DTHD1: variants seen among roughly 807,000 people sequenced by gnomAD.
DTHD1 encodes the protein death domain containing 1, also known as death domain-containing protein 1.
A neutral mutation model predicts 74.8 loss-of-function variants in DTHD1; 59 were observed. That is an observed-to-expected ratio of 0.79 (90% CI 0.64 to 0.98). The LOEUF is 0.98. DTHD1 is among the 50% of genes least tolerant of loss of function. DTHD1 has a pLI of 0.00. For synonymous variants in DTHD1, 365 were observed against 371.1 expected, an observed-to-expected ratio of 0.98 and a Z score of 0.19; for missense variants, 1,051 against 1,065.4, an observed-to-expected ratio of 0.99 and a Z score of 0.19.
intron 5 of DTHD1, 109 bp downstream of exon 5, chr4:36,295,148 A>G (rs1269478265): frequency 8.1e-7 from 1 of 1,230,336 alleles, no homozygotes; most frequent in South Asian, 2.1e-5. Flanking sequence ...TTAAAATATT[A>G]TGAAATATCT....
chr4:36,285,452 C>A (rs959732996), intron 2 of DTHD1, among the ~76,000 whole-genome samples: 100 of 152,206 alleles, frequency 6.6e-4, no homozygotes, highest in African/African-American at 2.3e-3. Context: ...AGACCTATTT[C>A]ATTTCCTTGG....
At chr4:36,328,735 A>G (rs1025478049) in intron 8 of DTHD1, among the ~76,000 whole-genome samples, 1 of 152,210 alleles carries the variant, frequency 6.6e-6, no homozygotes, top group Admixed American at 6.5e-5. Flanking sequence ...AAAAAAAGAC[A>G]CATGACCACA....
At chr4:36,338,970 C>A in intron 8 of DTHD1, 142 bp from the exon 9 acceptor site, 1 of 615,768 alleles carries the variant, frequency 1.6e-6, no homozygotes, top group Admixed American at 3.0e-5. Flanking sequence ...AGCATGCATG[C>A]ACAAATACAG....
chr4:36,304,804 A>ATCC (rs1272293362), intron 5 of DTHD1, among the ~76,000 whole-genome samples: 2 of 152,192 alleles, frequency 1.3e-5, no homozygotes, highest in Non-Finnish European at 2.9e-5. Flanking sequence ...GACTATGTGG[A>ATCC]TCCTCTCCTC....
At chr4:36,301,900 G>T (rs1160379873) in intron 5 of DTHD1, among the ~76,000 whole-genome samples, 2 of 152,058 alleles carry the variant, frequency 1.3e-5, no homozygotes, top group East Asian at 3.9e-4. Flanking sequence ...AATAGAGAAA[G>T]AAATTTGAAT....
Position 36,345,871 on chromosome 4 carries a change from CT to C in DTHD1, c.*2048del, listed in dbSNP as rs1759559411. 6.6e-6 allele frequency: 1 copy of C among 152,368 alleles called. No individual in the cohort carries two copies. The highest frequency in any genetic ancestry group is 6.6e-5 in the Admixed American group (1 of 15,254). 9.4% of individuals were successfully genotyped at this position (152,368 alleles called of 1,614,324 possible). On this transcript the variant is annotated 3_prime_UTR_variant, in exon 10 of 10. Transcript: ENST00000639862. ...ATCGGTATAGATGTATCTAAGGACACTCACATATGTGTTCACCTGCATGCAC... is the reference window on the plus strand; with the variant it reads ...ATCGGTATAGATGTATCTAAGGACACCACATATGTGTTCACCTGCATGCAC...
In DTHD1 at chr4:36,339,130, C is replaced by T. The variant is rs1219504130; in HGVS notation, c.2359C>T (p.Arg787Cys). The part of the protein sequence containing the change: ...KLPKHKKLIN[R>C]PQSTKRVSKD... ...CCAATAGCATAAGAAATTAATCAAC[C>T]GTCCACAGAGTACCAAAAGAGTTTC... is the stretch of plus-strand genomic sequence containing the variant. Residue 787 changes from arginine (R) to cysteine (C), a missense_variant, in exon 9 of 10, where the codon CGT becomes TGT. Arg to Cys is a radical substitution (Grantham distance 180, BLOSUM62 -3). Transcript: ENST00000639862. 3.2e-5 allele frequency: 49 copies of T among 1,547,694 alleles called. No homozygotes were observed. The East Asian group carries it at 6.4e-4, about 20-fold the overall frequency.
chr4:36,286,058 A>C (rs2109441936), intron 2 of DTHD1, among the ~76,000 whole-genome samples: 1 of 152,322 alleles, frequency 6.6e-6, no homozygotes, highest in Admixed American at 6.5e-5. Flanking sequence ...TATCTCGCCC[A>C]TAAAATGAAG....
Position 36,343,608 on chromosome 4 carries a change from C to T in DTHD1, c.2505C>T (p.Leu835=). Residue 835 remains leucine (L), a synonymous_variant, in exon 10 of 10, where the codon CTC becomes CTT. Transcript: ENST00000639862. ...CTCTGCGCCGTAGCACCATTCAGCT[C>T]ATCAAACTCAAGAACCCTGATGATC... is the stretch of plus-strand genomic sequence containing the variant. ...TLPLRRSTIQ[L]IKLKNPDDLT... is the part of the protein sequence containing the mutation. 1 of 1,551,772 alleles carries T rather than the reference C, an allele frequency of 6.4e-7. No individual in the cohort carries two copies. Among genetic ancestry groups the T allele is most frequent in the East Asian group, 2.4e-5 (1 of 40,930 alleles).
intron 2 of DTHD1, among the ~76,000 whole-genome samples, chr4:36,289,544 T>A (rs1418382220): frequency 6.6e-6 from 1 of 152,152 alleles, no homozygotes; most frequent in Admixed American, 6.5e-5. Context: ...AGTGTTTTTA[T>A]CTGTAAAATA....
At chr4:36,299,768 G>A (rs1756650927) in intron 5 of DTHD1, among the ~76,000 whole-genome samples, 1 of 152,070 alleles carries the variant, frequency 6.6e-6, no homozygotes, top group Non-Finnish European at 1.5e-5. Context: ...GTTTGAAATG[G>A]CAAAAATAAC....
chr4:36,336,705 C>CA (rs35744102), intron 8 of DTHD1, among the ~76,000 whole-genome samples: 33,004 of 152,056 alleles, frequency 0.22, 4,276 homozygotes, highest in Non-Finnish European at 0.29. Flanking sequence ...AATTTCTAAG[C>CA]AAGCATGTAA....
At chr4:36,318,903 T>C (rs568346594) in intron 8 of DTHD1, among the ~76,000 whole-genome samples, 1 of 152,334 alleles carries the variant, frequency 6.6e-6, no homozygotes, top group East Asian at 1.9e-4. Flanking sequence ...CGTGAGCCAC[T>C]ATGCCTGGCC....
At chr4:36,302,906 G>A (rs953324781) in intron 5 of DTHD1, among the ~76,000 whole-genome samples, 19 of 152,024 alleles carry the variant, frequency 1.2e-4, no homozygotes, top group Non-Finnish European at 2.1e-4. Flanking sequence ...AAATATCTAC[G>A]CATCATGAAT....
chr4:36,311,421 T>C (rs1560802420), intron 7 of DTHD1: 1 of 152,280 alleles, frequency 6.6e-6, no homozygotes, highest in Admixed American at 6.5e-5. Context: ...CTCAAAGAGA[T>C]AAAGCTAGAG....
chr4:36,332,604 GT>G (rs11290710), intron 8 of DTHD1: 110,138 of 152,098 alleles, frequency 0.72, 40,682 homozygotes, highest in African/African-American at 0.86. Context: ...GTCAGTGCCA[GT>G]TACCACCCCA....
At chr4:36,301,428 C>T (rs545536527) in intron 5 of DTHD1, among the ~76,000 whole-genome samples, 13 of 151,832 alleles carry the variant, frequency 8.6e-5, no homozygotes, top group Non-Finnish European at 1.5e-4. Context: ...CCAGAGTTGT[C>T]GACAGCCGTG....
intron 2 of DTHD1, 93 bp from the exon 3 acceptor site, chr4:36,290,280 C>A (rs1441041356): frequency 3.1e-6 from 4 of 1,273,306 alleles, no homozygotes; most frequent in African/African-American, 3.0e-5. Context: ...CACACCAAGA[C>A]AATGTAGATC....
intron 5 of DTHD1, among the ~76,000 whole-genome samples, chr4:36,299,013 A>C (rs1360670601): frequency 6.6e-6 from 1 of 152,202 alleles, no homozygotes; most frequent in Non-Finnish European, 1.5e-5. Flanking sequence ...TAAACTGATC[A>C]TTATTGATAA....
Sources: allele counts gnomAD v4.1 joint callset (sites outside exome capture counted in the v4.1 genomes callset), GRCh38; gene constraint gnomAD v4.1.1; transcripts MANE v1.5; gene names NCBI Gene and HGNC (gene_info 2026-07-23, HGNC 2026-07-21).